The following ABCC8 variants were observed in gnomAD, a reference collection of about 807,000 sequenced individuals.
The protein encoded by ABCC8 is ATP-binding cassette sub-family C member 8.
In ABCC8, 137 loss-of-function variants were observed where a neutral mutation model predicts 188.0. The observed-to-expected ratio is 0.73, with a 90% CI of 0.63 to 0.84. The LOEUF (loss-of-function observed/expected upper bound fraction) is 0.84. Among genes scored for constraint, ABCC8 ranks in the 40% least tolerant of loss-of-function variants. The pLI is 0.00. For synonymous variants in ABCC8, 797 were observed against 846.5 expected (o/e 0.94, Z 1.01); for missense variants, 1,750 against 2,072.7 (o/e 0.84, Z 3.02).
At chr11:17,467,083 C>CACACACACAT (rs972553996) in intron 3 of ABCC8, among the ~76,000 whole-genome samples, 4 of 151,470 alleles carry the variant, frequency 2.6e-5, no homozygotes, top group Admixed American at 2.6e-4. Flanking sequence ...CACACACACA[C>CACACACACAT]ACAACTTCCC....
At chr11:17,451,166 T>G (rs6486370) in intron 7 of ABCC8, among the ~76,000 whole-genome samples, 63,303 of 152,026 alleles carry the variant, frequency 0.42, 14,352 homozygotes, top group African/African-American at 0.61. Context: ...CATACACACA[T>G]TAGTATATTT....
At chr11:17,398,008 CT>C (rs1272794146) in intron 30 of ABCC8, 3 of 566,448 alleles carry the variant, frequency 5.3e-6, no homozygotes, top group African/African-American at 2.0e-5. Flanking sequence ...CCCCTACCCC[CT>C]AGCCCCTGCA....
chr11:17,395,914 C>T lies in ABCC8; in HGVS notation c.4136G>A (p.Arg1379His), dbSNP rs193922401. The T allele has an allele frequency of 3.2e-6, 5 of 1,585,350 alleles. No homozygotes were observed. The highest frequency in any genetic ancestry group is 3.4e-6 in the Non-Finnish European group (4 of 1,164,422). ...GAAGGAGGACTTCCCACTGCCGGTG[C>T]GGCCGCAGATCCCGATCTGGAAAGA... ...APGQKIGICG[R>H]TGSGKSSFSL... Residue 1379 changes from arginine (R) to histidine (H), a missense_variant, in exon 34 of 39, where the codon CGC (arginine) becomes CAC (histidine). Arg to His is a conservative substitution (Grantham distance 29). Transcript: ENST00000389817.
chr11:17,466,442 A>T (rs1848155130), intron 3 of ABCC8, among the ~76,000 whole-genome samples: 1 of 150,936 alleles, frequency 6.6e-6, no homozygotes, highest in South Asian at 2.1e-4. Context: ...TGCCGCTTAG[A>T]TGAGGTACCT....
At chr11:17,394,591 G>A in intron 36 of ABCC8, 192 bp from the exon 37 acceptor site, 1 of 633,344 alleles carries the variant, frequency 1.6e-6, no homozygotes, top group Non-Finnish European at 2.0e-6. Flanking sequence ...TGCAAGGACT[G>A]CAACGAGAAG....
chr11:17,397,039 C>T lies in ABCC8; in HGVS notation c.3996G>A (p.Ser1332=), dbSNP rs746146690. 18 of 1,614,162 alleles carry T rather than the reference C, an allele frequency of 1.1e-5. No individual in the cohort carries two copies. In the Admixed American group the frequency reaches 1.3e-4, roughly 12 times the overall value. Reference sequence around the variant, plus strand: ...GGTCTGGCCAGTTCTTTGGGATCAGCGATGGTGCTGGGGGCCGGGCTGGGC... The same window carrying T: ...GGTCTGGCCAGTTCTTTGGGATCAGTGATGGTGCTGGGGGCCGGGCTGGGC... ...AESYEGLLAP[S]LIPKNWPDQG... is the part of the protein sequence containing the mutation. The change falls in exon 33 of 39, where the codon TCG becomes TCA. Residue 1332 remains serine, a synonymous_variant. Transcript: ENST00000389817.
At chr11:17,433,955 G>GT (rs1955964758) in intron 10 of ABCC8, among the ~76,000 whole-genome samples, 1 of 152,170 alleles carries the variant, frequency 6.6e-6, no homozygotes, top group Admixed American at 6.5e-5. Context: ...AGGAAACAGC[G>GT]TAAGTATTAT....
chr11:17,426,448 G>A (rs1431700054), intron 16 of ABCC8, among the ~76,000 whole-genome samples: 1 of 152,204 alleles, frequency 6.6e-6, no homozygotes, highest in Non-Finnish European at 1.5e-5. Context: ...CTAGTTTCAA[G>A]TGCTTCTTGG....
At chr11:17,456,907 G>T (rs1957015612) in intron 6 of ABCC8, among the ~76,000 whole-genome samples, 1 of 152,196 alleles carries the variant, frequency 6.6e-6, no homozygotes, top group African/African-American at 2.4e-5. Flanking sequence ...TGGGTGTCAG[G>T]CAGTGGGCTG....
intron 6 of ABCC8, among the ~76,000 whole-genome samples, chr11:17,458,041 G>A (rs74782865): frequency 6.6e-6 from 1 of 152,282 alleles, no homozygotes; most frequent in East Asian, 1.9e-4. Context: ...CTCAGTAAAT[G>A]ATCCCTTTCC....
At chr11:17,397,108 C>G (rs150864099) in intron 32 of ABCC8, 62 bp from the exon 33 acceptor site, 2 of 1,613,844 alleles carry the variant, frequency 1.2e-6, no homozygotes, top group East Asian at 4.5e-5. Flanking sequence ...GAAAGTGCCA[C>G]CCCATCCCCA....
At chr11:17,438,113 A>AC (rs1299530592) in intron 10 of ABCC8, among the ~76,000 whole-genome samples, 1 of 151,998 alleles carries the variant, frequency 6.6e-6, no homozygotes, top group Non-Finnish European at 1.5e-5. Context: ...AACAACAACA[A>AC]CCAAAAGAAT....
intron 8 of ABCC8, chr11:17,448,135 A>C (rs1256924492): frequency 1.0e-5 from 2 of 192,522 alleles, no homozygotes; most frequent in South Asian, 1.2e-4. Flanking sequence ...TTTTCTGCAT[A>C]GAAGGGGTCT....
intron 3 of ABCC8, among the ~76,000 whole-genome samples, chr11:17,468,324 G>A (rs891005338): frequency 6.6e-6 from 1 of 152,194 alleles, no homozygotes; most frequent in Non-Finnish European, 1.5e-5. Context: ...TCGATGCTGT[G>A]ATACCTAAAA....
intron 2 of ABCC8, among the ~76,000 whole-genome samples, chr11:17,470,729 G>T (rs1295227878): frequency 6.6e-6 from 1 of 152,180 alleles, no homozygotes; most frequent in African/African-American, 2.4e-5. Context: ...GGAAACTGAG[G>T]CACGAAGAGG....
chr11:17,397,206 G>T lies in ABCC8; in HGVS notation c.3975C>A (p.Tyr1325Ter). The part of the protein sequence containing the change: ...HGLLKTEAES[Y>*]EGLLAPSLIP... ...TGAGCCTCTCACCCAGGAGCCCCTC[G>T]TAGCTCTCTGCCTCGGTTTTCAGGA... Residue 1325 changes from tyrosine (Y) to a stop codon, truncating the protein, a stop_gained, in exon 32 of 39, where the codon TAC becomes TAA. Transcript: ENST00000389817. LOFTEE classifies it high-confidence loss of function. The T allele has an allele frequency of 6.2e-7, 1 of 1,613,572 alleles. No individual in the cohort carries two copies. The highest frequency in any genetic ancestry group is 8.5e-7 in the Non-Finnish European group (1 of 1,179,962).
chr11:17,393,568 C>T, intron 38 of ABCC8, 129 bp downstream of exon 38: 5 of 1,445,732 alleles, frequency 3.5e-6, no homozygotes, highest in Non-Finnish European at 4.8e-6. Flanking sequence ...TTGCCCTGAA[C>T]TGCCTGCTTC....
At chr11:17,443,866 T>C (rs1334891952) in intron 8 of ABCC8, among the ~76,000 whole-genome samples, 1 of 152,242 alleles carries the variant, frequency 6.6e-6, no homozygotes, top group East Asian at 1.9e-4. Context: ...TAGCTTTATG[T>C]AAATGACTGC....
At chr11:17,401,387 G>C (rs569350035) in intron 29 of ABCC8, among the ~76,000 whole-genome samples, 1 of 152,312 alleles carries the variant, frequency 6.6e-6, no homozygotes, top group African/African-American at 2.4e-5. Context: ...CCAGGGCAGA[G>C]CTTTGCTCTG....
Sources: allele counts gnomAD v4.1 joint callset (sites outside exome capture counted in the v4.1 genomes callset), GRCh38; gene constraint gnomAD v4.1.1; transcripts MANE v1.5; gene names NCBI Gene and HGNC (gene_info 2026-07-23, HGNC 2026-07-21).